The following CEP250 variants were observed in gnomAD, a reference collection of about 807,000 sequenced individuals.
The protein encoded by CEP250 is centrosome-associated protein CEP250.
In CEP250, 242 loss-of-function variants were observed where a neutral mutation model predicts 315.7. The observed-to-expected ratio is 0.77, with a 90% CI of 0.69 to 0.85. CEP250 has a LOEUF of 0.85. Among genes scored for constraint, CEP250 ranks in the 40% least tolerant of loss-of-function variants. The probability of loss-of-function intolerance (pLI) is 0.00; values close to 1 mark genes in which losing one functional copy is unlikely to be tolerated. For synonymous variants in CEP250, 1,088 were observed against 1,175.0 expected, an observed-to-expected ratio of 0.93 and a Z score of 1.51; for missense variants, 2,515 against 2,886.4, an observed-to-expected ratio of 0.87 and a Z score of 2.95.
chr20:35,503,001 G>T lies in CEP250; in HGVS notation c.4632G>T (p.Gln1544His), dbSNP rs138568893. 6.8e-5 allele frequency: 109 copies of T among 1,614,214 alleles called. No individual in the cohort carries two copies. The highest frequency in any genetic ancestry group is 8.5e-5 in the Non-Finnish European group (100 of 1,180,032). The change falls in exon 30 of 35, where the codon CAG (glutamine) becomes CAT (histidine). Residue 1544 changes from glutamine to histidine, a missense_variant. Physicochemically the swap from Gln to His is conservative, Grantham distance 24. Transcript: ENST00000397527. This position sits in a 1 kb window ranked among gnomAD's most constrained non-coding sequence, Gnocchi z 4.2. The stretch of plus-strand genomic sequence containing the variant: ...AAATGATTGAGTCCCAGAGAGGACA[G>T]GTTCAGGACCTGAAAAAGCAGTTGG... ...KDQMIESQRG[Q>H]VQDLKKQLVT...
intron 20 of CEP250, among the ~76,000 whole-genome samples, chr20:35,488,227 T>C (rs796789756): frequency 2.0e-5 from 3 of 152,206 alleles, no homozygotes; most frequent in Non-Finnish European, 4.4e-5. Context: ...AATAGATCAG[T>C]TTTTTTAACA....
chr20:35,467,923 A>C (rs1022523279), intron 9 of CEP250, among the ~76,000 whole-genome samples: 6 of 148,808 alleles, frequency 4.0e-5, no homozygotes, highest in Admixed American at 1.3e-4. Flanking sequence ...ATCCTCTAAG[A>C]CATAGTTCAA....
Position 35,517,116 on chromosome 20 carries a change from C to T in CEP250, c.*5490C>T. 1 of 658,766 alleles carries T rather than the reference C, an allele frequency of 1.5e-6. No individual in the cohort carries two copies. Among genetic ancestry groups the T allele is most frequent in the Non-Finnish European group, 1.9e-6 (1 of 531,464 alleles). 40.8% of individuals were successfully genotyped at this position (658,766 alleles called of 1,614,324 possible). On this transcript the variant is annotated 3_prime_UTR_variant, in exon 35 of 35. Coordinates refer to ENST00000397527, the MANE Select transcript of CEP250 (RefSeq NM_007186.6). ...TCCTCAACCGTCCGCAGAACACCTC[C>T]TTCCAGCACCTTAGCTCCTGCCTCC... is the stretch of plus-strand genomic sequence containing the variant.
chr20:35,468,707 G>C (rs2062952113), intron 9 of CEP250, among the ~76,000 whole-genome samples: 1 of 152,100 alleles, frequency 6.6e-6, no homozygotes, highest in African/African-American at 2.4e-5. Context: ...ACAGAGTCTA[G>C]CTCTGTTGCC....
chr20:35,501,711 A>G, intron 28 of CEP250, 134 bp from the exon 29 acceptor site: 2 of 959,190 alleles, frequency 2.1e-6, no homozygotes, highest in South Asian at 3.4e-5. Context: ...AGGACACTGG[A>G]TATAATTTTC....
rs2064452255 is a variant in CEP250, at chr20:35,518,224, T to C, written c.*6598T>C. 1 of 151,694 alleles carries C rather than the reference T, an allele frequency of 6.6e-6. No individual in the cohort carries two copies. The highest frequency in any genetic ancestry group is 1.5e-5 in the Non-Finnish European group (1 of 67,932). 9.4% of individuals were successfully genotyped at this position (151,694 alleles called of 1,614,324 possible). A position where few individuals can be genotyped will look rare whatever the true frequency, so the allele number is the denominator to read the frequency against. ...ATGTGGTGCCATAACGGGTCCAGTA[T>C]CTGGACACGAGGCCGCACTACCTAC... On this transcript the variant is annotated 3_prime_UTR_variant, in exon 35 of 35. Transcript: ENST00000397527.
At chr20:35,492,739 T>C (rs2063731796) in intron 22 of CEP250, among the ~76,000 whole-genome samples, 1 of 152,194 alleles carries the variant, frequency 6.6e-6, no homozygotes, top group African/African-American at 2.4e-5. Flanking sequence ...TATGTATGTA[T>C]TTGTTTGAGA....
Position 35,479,286 on chromosome 20 carries a change from C to T in CEP250, c.2150C>T (p.Ala717Val). The change falls in exon 18 of 35, where the codon GCA becomes GTA. Residue 717 changes from alanine (A) to valine (V), a missense_variant. Transcript: ENST00000397527. ...CAGCTGGAGCAGCTACATCAGGAGG[C>T]AAAGCGACAGGAAGAAGTGCTTGCC... The part of the protein sequence containing the change: ...TTQLEQLHQE[A>V]KRQEEVLARA... 6.2e-7 allele frequency: 1 copy of T among 1,613,684 alleles called. No homozygotes were observed.
rs2064439348 is a variant in CEP250 at position 35,516,738 on chromosome 20, GCTCTCAGTGAGGCCAGGGAGAGT to G, written c.*5114_*5136del. The G allele has an allele frequency of 6.6e-6, 1 of 152,386 alleles. No individual in the cohort carries two copies. 9.4% of individuals were successfully genotyped at this position (152,386 alleles called of 1,614,324 possible). On this transcript the variant is annotated 3_prime_UTR_variant, in exon 35 of 35. Transcript: ENST00000397527. Reference sequence around the variant, plus strand: ...GTTGTGCAGAAGAGACCCACTGGCTGCTCTCAGTGAGGCCAGGGAGAGTCAAACAGAGCATCTTGGACAAAGAG... The same window carrying G: ...GTTGTGCAGAAGAGACCCACTGGCTGCAAACAGAGCATCTTGGACAAAGAG...
chr20:35,498,994 G>A (rs2063926320), intron 27 of CEP250, among the ~76,000 whole-genome samples: 1 of 152,164 alleles, frequency 6.6e-6, no homozygotes, highest in South Asian at 2.1e-4. Context: ...CCCTGGGTAG[G>A]CCAGGCACGG....
In CEP250 at chr20:35,500,040, C is replaced by T. The variant is rs750729541; in HGVS notation, c.3778-9C>T. On this transcript the variant is annotated splice_polypyrimidine_tract_variant and intron_variant, in intron 27 of 34. Transcript: ENST00000397527. ...GAACTCACGTTTAGCCATGCCCTTC[C>T]TTTCCCAGGATGTTCTGAGGGATCA... 6.2e-7 allele frequency: 1 copy of T among 1,614,066 alleles called. No individual in the cohort carries two copies. The highest frequency in any genetic ancestry group is 1.1e-5 in the South Asian group (1 of 91,078).
intron 8 of CEP250, 79 bp from the exon 9 acceptor site, chr20:35,467,225 T>C: frequency 6.5e-7 from 1 of 1,533,694 alleles, no homozygotes; most frequent in East Asian, 2.3e-5. Flanking sequence ...GCCCTGCTCC[T>C]CAGGCTTCAC....
chr20:35,503,283 G>A lies in CEP250; in HGVS notation c.4914G>A (p.Gln1638=), dbSNP rs1289936459. Residue 1638 remains glutamine, a synonymous_variant, in exon 30 of 35, where the codon CAG becomes CAA. Transcript: ENST00000397527. This position sits in a 1 kb window ranked among gnomAD's most constrained non-coding sequence, Gnocchi z 4.2. ...RDQEVKSQRE[Q]IEELQRQKEH... ...AGGAGGTGAAGTCTCAGCGAGAACA[G>A]ATCGAGGAGCTGCAGAGGCAGAAAG... 1.9e-6 allele frequency: 3 copies of A among 1,614,044 alleles called. No homozygotes were observed. The highest frequency in any genetic ancestry group is 4.5e-5 in the East Asian group (2 of 44,888).
chr20:35,494,298 G>C, intron 23 of CEP250: 3 of 500,820 alleles, frequency 6.0e-6, no homozygotes, highest in Non-Finnish European at 1.1e-5. Context: ...ATTTGTGCCT[G>C]CCTCTATGCA....
rs149811081 is a variant in CEP250, at chr20:35,504,914, A to C, written c.6545A>C (p.Gln2182Pro). ...KAQDLALSLA[Q>P]TKASVSSLQE... ...CAGGACTTGGCACTCTCCCTAGCGC[A>C]GACCAAGGCCAGTGTCAGCAGTCTG... Residue 2182 changes from glutamine (Q) to proline (P), a missense_variant, in exon 30 of 35, where the codon CAG becomes CCG. Gln to Pro is a moderately conservative substitution (Grantham distance 76). Coordinates refer to ENST00000397527, the MANE Select transcript of CEP250 (RefSeq NM_007186.6). 2.1e-5 allele frequency: 34 copies of C among 1,614,060 alleles called. No individual in the cohort carries two copies. The highest frequency in any genetic ancestry group is 1.2e-4 in the Admixed American group (7 of 60,004).
rs1056612522 is a variant in CEP250, at chr20:35,466,179, A to G, written c.467A>G (p.Glu156Gly). 7 of 1,603,900 alleles carry G rather than the reference A, an allele frequency of 4.4e-6. No individual in the cohort carries two copies. The African/African-American group carries it at 5.4e-5, about 12-fold the overall frequency. The change falls in exon 7 of 35, where the codon GAG becomes GGG. Residue 156 changes from glutamate to glycine, a missense_variant. Transcript: ENST00000397527. ...SRARDELMRKESQWQMEQEFF... is the reference protein window; with the variant it reads ...SRARDELMRKGSQWQMEQEFF... ...GCCCGGGATGAGCTAATGAGGAAGG[A>G]GAGCCAGTGGCAGATGGAGCAGGAG...
chr20:35,494,245 A>G (rs933341639), intron 23 of CEP250: 1 of 348,498 alleles, frequency 2.9e-6, no homozygotes, highest in African/African-American at 2.1e-5. Context: ...AAGTGTTGAG[A>G]TTACAGGTGT....
chr20:35,472,321 A>G (rs545816432), intron 11 of CEP250, among the ~76,000 whole-genome samples, 170 bp downstream of exon 11: 2 of 152,342 alleles, frequency 1.3e-5, no homozygotes, highest in Admixed American at 6.5e-5. Flanking sequence ...ATAGCTAAGC[A>G]TTCACGTTTA....
chr20:35,472,640 G>A (rs1206401436), intron 11 of CEP250, 33 bp from the exon 12 acceptor site: 5 of 1,612,042 alleles, frequency 3.1e-6, no homozygotes, highest in Non-Finnish European at 4.2e-6. Flanking sequence ...GCTTTGGTCA[G>A]TAGGGTGGTG....
Sources: allele counts gnomAD v4.1 joint callset (sites outside exome capture counted in the v4.1 genomes callset), GRCh38; gene constraint gnomAD v4.1.1; non-coding constraint Gnocchi (gnomAD v3.1); transcripts MANE v1.5; gene names NCBI Gene and HGNC (gene_info 2026-07-23, HGNC 2026-07-21).